The following PTPN6 variants were observed in gnomAD, a reference collection of about 807,000 sequenced individuals.
PTPN6 encodes the protein tyrosine-protein phosphatase non-receptor type 6.
In PTPN6, 18 loss-of-function variants were observed where a neutral mutation model predicts 81.5. The ratio of observed to expected loss-of-function variants is 0.22; its 90% CI spans 0.15 to 0.33. The LOEUF (loss-of-function observed/expected upper bound fraction) is 0.33. Among genes scored for constraint, PTPN6 ranks in the 10% least tolerant of loss-of-function variants. The pLI is 1.00. For synonymous variants in PTPN6, 301 were observed against 310.9 expected, an observed-to-expected ratio of 0.97 and a Z score of 0.33; for missense variants, 500 against 794.2, an observed-to-expected ratio of 0.63 and a Z score of 4.45.
chr12:6,955,541 G>C lies in PTPN6; in HGVS notation c.747+56G>C, dbSNP rs1234373805. 5.0e-6 allele frequency: 8 copies of C among 1,587,598 alleles called. No individual in the cohort carries two copies. In the East Asian group the frequency reaches 1.8e-4, roughly 35 times the overall value. ...AGCTGAGGTGGTGGCAGCGGCCTGGGGCCCCAGGCGGACACCTTCCCCTCC... is the reference window on the plus strand; with the variant it reads ...AGCTGAGGTGGTGGCAGCGGCCTGGCGCCCCAGGCGGACACCTTCCCCTCC... On this transcript the variant is annotated intron_variant, in intron 6 of 15. Transcript: ENST00000318974. The surrounding 1 kb of genome is among the most constrained non-coding windows in gnomAD (Gnocchi z 7.2).
At position 6,960,847 on chromosome 12, in the gene PTPN6, A is replaced by C. The variant is rs978237552; in HGVS notation, c.1715A>C (p.Lys572Thr). The change falls in exon 15 of 16, where the codon AAG becomes ACG. Residue 572 changes from lysine to threonine, a missense_variant. Physicochemically the swap from Lys to Thr is moderately conservative, Grantham distance 78. Transcript: ENST00000318974. This position sits in a 1 kb window ranked among gnomAD's most constrained non-coding sequence, Gnocchi z 6.1. ...DVYENLHTKN[K>T]REEKVKKQRS... The stretch of plus-strand genomic sequence containing the variant: ...TATGAGAACCTGCACACTAAGAACA[A>C]GAGGGAGGAGAAAGTGAAGAAGCAG... 2 of 1,579,678 alleles carry C rather than the reference A, an allele frequency of 1.3e-6. No individual in the cohort carries two copies. The highest frequency in any genetic ancestry group is 2.7e-5 in the African/African-American group (2 of 74,154).
In PTPN6 at chr12:6,958,047, C is replaced by T. The variant is rs375270811; in HGVS notation, c.1335C>T (p.His445=). 125 of 1,612,564 alleles carry T rather than the reference C, an allele frequency of 7.8e-5. No homozygotes were observed. The highest frequency in any genetic ancestry group is 3.3e-4 in the East Asian group (15 of 44,892). The stretch of plus-strand genomic sequence containing the variant: ...ACCAGCGGCAGGAAAGTCTGCCTCA[C>T]GCAGGGCCCATCATCGTGCACTGCA... ...QINQRQESLP[H]AGPIIVHCSA... is the part of the protein sequence containing the mutation. The change falls in exon 11 of 16, where the codon CAC becomes CAT. Residue 445 remains histidine (H), a synonymous_variant. Transcript: ENST00000318974.
Position 6,958,068 on chromosome 12 carries a change from C to T in PTPN6, c.1356C>T (p.His452=). Residue 452 remains histidine, a synonymous_variant, in exon 11 of 16, where the codon CAC becomes CAT. Coordinates refer to ENST00000318974, the MANE Select transcript of PTPN6 (RefSeq NM_002831.6). Reference sequence around the variant, plus strand: ...CTCACGCAGGGCCCATCATCGTGCACTGCAGGTGAGGATGATAATCCTGAT... The same window carrying T: ...CTCACGCAGGGCCCATCATCGTGCATTGCAGGTGAGGATGATAATCCTGAT... ...SLPHAGPIIV[H]CSAGIGRTGT... is the part of the protein sequence containing the mutation. 2 of 1,611,176 alleles carry T rather than the reference C, an allele frequency of 1.2e-6. No individual in the cohort carries two copies. Among genetic ancestry groups the T allele is most frequent in the South Asian group, 1.1e-5 (1 of 91,088 alleles).
chr12:6,960,165 G>A lies in PTPN6; in HGVS notation c.1507G>A (p.Ala503Thr), dbSNP rs1946104804. 10 of 1,613,546 alleles carry A rather than the reference G, an allele frequency of 6.2e-6. No homozygotes were observed. Among genetic ancestry groups the A allele is most frequent in the Non-Finnish European group, 7.6e-6 (9 of 1,179,984 alleles). The change falls in exon 13 of 16, where the codon GCG (alanine) becomes ACG (threonine). Residue 503 changes from alanine to threonine, a missense_variant. Transcript: ENST00000318974. This position sits in a 1 kb window ranked among gnomAD's most constrained non-coding sequence, Gnocchi z 6.1. The part of the protein sequence containing the change: ...AQRSGMVQTE[A>T]QYKFIYVAIA... ...GCGCTCGGGCATGGTGCAGACGGAG[G>A]CGCAGTACAAGTTCATCTACGTGGC...
chr12:6,960,901 G>T lies in PTPN6; in HGVS notation c.1769G>T (p.Gly590Val). Residue 590 changes from glycine to valine, a missense_variant, in exon 15 of 16, where the codon GGT (glycine) becomes GTT (valine). Physicochemically the swap from Gly to Val is moderately radical, Grantham distance 109. Around this residue, in one of 6 missense-constraint regions of PTPN6, gnomAD observed 56 missense variants for 56.4 expected, o/e 0.99. Coordinates refer to ENST00000318974, the MANE Select transcript of PTPN6 (RefSeq NM_002831.6). The surrounding 1 kb of genome is among the most constrained non-coding windows in gnomAD (Gnocchi z 6.1). ...QRSADKEKSK[G>V]SLKRK ...TCAGCAGACAAGGAGAAGAGCAAGG[G>T]TTCCCTCAAGAGGAAGTGAGCGGTG... 6.4e-7 allele frequency: 1 copy of T among 1,572,618 alleles called. No individual in the cohort carries two copies. The highest frequency in any genetic ancestry group is 1.2e-5 in the South Asian group (1 of 85,868).
Position 6,955,550 on chromosome 12 carries a change from C to T in PTPN6, c.747+65C>T, listed in dbSNP as rs781934480. On this transcript the variant is annotated intron_variant, in intron 6 of 15. Coordinates refer to ENST00000318974, the MANE Select transcript of PTPN6 (RefSeq NM_002831.6). The surrounding 1 kb of genome is among the most constrained non-coding windows in gnomAD (Gnocchi z 7.2). ...GGTGGCAGCGGCCTGGGGCCCCAGG[C>T]GGACACCTTCCCCTCCTTGCCCACC... 28 of 1,570,272 alleles carry T rather than the reference C, an allele frequency of 1.8e-5. No homozygotes were observed. Among genetic ancestry groups the T allele is most frequent in the East Asian group, 4.5e-5 (2 of 44,630 alleles).
Position 6,957,160 on chromosome 12 carries a change from C to G in PTPN6, c.1075-494C>G, listed in dbSNP as rs1419328272. On this transcript the variant is annotated intron_variant, in intron 9 of 15. Transcript: ENST00000318974. This position sits in a 1 kb window ranked among gnomAD's most constrained non-coding sequence, Gnocchi z 6.5. ...GCTCATTTTCTGCTAGGAAATGACT[C>G]TCTCCACACTATCTCTGCCTGGCAG... is the stretch of plus-strand genomic sequence containing the variant. Among the ~76,000 whole-genome samples, 5 of 152,228 alleles carry G rather than the reference C, an allele frequency of 3.3e-5. No homozygotes were observed. Among genetic ancestry groups the G allele is most frequent in the Admixed American group, 2.6e-4 (4 of 15,288 alleles).
rs781883787 is a variant in PTPN6 at position 6,957,279 on chromosome 12, C to T, written c.1075-375C>T. Among the ~76,000 whole-genome samples, 2 of 152,228 alleles carry T rather than the reference C, an allele frequency of 1.3e-5. No individual in the cohort carries two copies. Among genetic ancestry groups the T allele is most frequent in the Non-Finnish European group, 2.9e-5 (2 of 68,042 alleles). On this transcript the variant is annotated intron_variant, in intron 9 of 15. Transcript: ENST00000318974. The surrounding 1 kb of genome is among the most constrained non-coding windows in gnomAD (Gnocchi z 6.5). ...GACCTAGAGGGAGAATTACGTCTTT[C>T]CCAGCCACGCTCCTCAGCGCGGTGT...
Position 6,951,858 on chromosome 12 carries a change from C to T in PTPN6, c.132-125C>T, listed in dbSNP as rs782498823. 1 of 1,568,514 alleles carries T rather than the reference C, an allele frequency of 6.4e-7. No homozygotes were observed. Among genetic ancestry groups the T allele is most frequent in the Non-Finnish European group, 8.7e-7 (1 of 1,149,626 alleles). On this transcript the variant is annotated intron_variant, in intron 2 of 15. Transcript: ENST00000318974. The surrounding 1 kb of genome is among the most constrained non-coding windows in gnomAD (Gnocchi z 7.2). ...CGTCTGTTCCCTTGCCCCCAACCCC[C>T]ACACTCCCCATCCCTGTCTGTGCCC...
In PTPN6 at chr12:6,960,076, C is replaced by T. The variant is rs782064198; in HGVS notation, c.1430-12C>T. Reference sequence around the variant, plus strand: ...TATGCCTGGACCTGAGGTTTGACTGCCCCCCACCCAGGCCTGGACTGTGAC... The same window carrying T: ...TATGCCTGGACCTGAGGTTTGACTGTCCCCCACCCAGGCCTGGACTGTGAC... On this transcript the variant is annotated splice_polypyrimidine_tract_variant and intron_variant, in intron 12 of 15. Coordinates refer to ENST00000318974, the MANE Select transcript of PTPN6 (RefSeq NM_002831.6). This position sits in a 1 kb window ranked among gnomAD's most constrained non-coding sequence, Gnocchi z 6.1. 8.1e-6 allele frequency: 13 copies of T among 1,613,336 alleles called. No homozygotes were observed. The highest frequency in any genetic ancestry group is 3.3e-5 in the Admixed American group (2 of 60,006).
At chr12:6,953,198 C>T (rs1341937931) in intron 3 of PTPN6, 1 of 152,294 alleles carries the variant, frequency 6.6e-6, no homozygotes, top group Non-Finnish European at 1.5e-5. Context: ...CGGCCTCCTT[C>T]AAGGCCTTCC....
In PTPN6 at chr12:6,952,321, CCCT is replaced by C; in HGVS notation, c.326+150_326+152del. ...CTGCACCAGCTGGGGCTCTCAATGT[CCCT>C]CCTCCCTGCTGTCCTGGGACCTGGT... On this transcript the variant is annotated intron_variant, in intron 3 of 15. Coordinates refer to ENST00000318974, the MANE Select transcript of PTPN6 (RefSeq NM_002831.6). The surrounding 1 kb of genome is among the most constrained non-coding windows in gnomAD (Gnocchi z 8.1). 1 of 924,070 alleles carries C rather than the reference CCCT, an allele frequency of 1.1e-6. No homozygotes were observed. Among genetic ancestry groups the C allele is most frequent in the Non-Finnish European group, 1.7e-6 (1 of 593,904 alleles). The allele number at this position is 924,070 out of a possible 1,614,324, so 57.2% of individuals were successfully genotyped here. A position where few individuals can be genotyped will look rare whatever the true frequency, so the allele number is the denominator to read the frequency against.
rs781827790 is a variant in PTPN6, at chr12:6,954,755, G to A, written c.327-50G>A. 83 of 1,573,268 alleles carry A rather than the reference G, an allele frequency of 5.3e-5. No individual in the cohort carries two copies. Among genetic ancestry groups the A allele is most frequent in the African/African-American group, 1.2e-4 (9 of 74,140 alleles). ...CTCTCTGTGAATGTCTCTGCTCAGC[G>A]CCTTCCCCTGTGGCCTGGGTCTTAC... On this transcript the variant is annotated intron_variant, in intron 3 of 15. Transcript: ENST00000318974. This position sits in a 1 kb window ranked among gnomAD's most constrained non-coding sequence, Gnocchi z 5.4.
upstream of PTPN6, among the ~76,000 whole-genome samples, chr12:6,947,362 G>C (rs1268652084): frequency 1.3e-5 from 2 of 152,208 alleles, no homozygotes; most frequent in Non-Finnish European, 2.9e-5. Context: ...ATTCTCAGAA[G>C]TATTACGCAG....
In PTPN6 at chr12:6,960,638, A is replaced by G. The variant is rs1555149732; in HGVS notation, c.1674-168A>G. Reference sequence around the variant, plus strand: ...CTAGGTACCAGCAGCGCACTCGTGTATGAGATGTAGCCTCTGTCCTCTAGG... The same window carrying G: ...CTAGGTACCAGCAGCGCACTCGTGTGTGAGATGTAGCCTCTGTCCTCTAGG... On this transcript the variant is annotated intron_variant, in intron 14 of 15. Transcript: ENST00000318974. This position sits in a 1 kb window ranked among gnomAD's most constrained non-coding sequence, Gnocchi z 6.1. The G allele has an allele frequency of 3.9e-6, 6 of 1,534,390 alleles. No individual in the cohort carries two copies. Among genetic ancestry groups the G allele is most frequent in the Middle Eastern group, 1.7e-4 (1 of 5,940 alleles).
Position 6,956,316 on chromosome 12 carries a change from C to G in PTPN6, c.924+95C>G, listed in dbSNP as rs901726193. The G allele has an allele frequency of 3.1e-6, 5 of 1,610,228 alleles. No individual in the cohort carries two copies. The highest frequency in any genetic ancestry group is 2.5e-6 in the Non-Finnish European group (3 of 1,176,544). ...AGATCCAGAGACAGCTGGGCAAAGC[C>G]GAAGCTGGCTTCTTGCATGGGTGAG... On this transcript the variant is annotated intron_variant, in intron 8 of 15. Transcript: ENST00000318974. This position sits in a 1 kb window ranked among gnomAD's most constrained non-coding sequence, Gnocchi z 4.1.
rs368185877 is a variant in PTPN6, at chr12:6,952,772, C to T, written c.326+595C>T. 3.3e-4 allele frequency: 55 copies of T among 164,202 alleles called. 1 individual carries two copies. The South Asian group carries it at 7.6e-3, about 23-fold the overall frequency. The allele number at this position is 164,202 out of a possible 1,614,324, so 10.2% of individuals were successfully genotyped here. On this transcript the variant is annotated intron_variant, in intron 3 of 15. Transcript: ENST00000318974. This position sits in a 1 kb window ranked among gnomAD's most constrained non-coding sequence, Gnocchi z 8.1. Reference sequence around the variant, plus strand: ...GTAAAGTGTCTCACGCTGTCCCGGGCACAGAGTAATACTCCAGGCATTTCC... The same window carrying T: ...GTAAAGTGTCTCACGCTGTCCCGGGTACAGAGTAATACTCCAGGCATTTCC...
Position 6,956,259 on chromosome 12 carries a change from C to T in PTPN6, c.924+38C>T, listed in dbSNP as rs1946028469. On this transcript the variant is annotated intron_variant, in intron 8 of 15. Transcript: ENST00000318974. This position sits in a 1 kb window ranked among gnomAD's most constrained non-coding sequence, Gnocchi z 4.1. ...GGCCACGTGGGAGGAGAGGCTGGGCCCTGGGAATTCCCTGTCTGGTGGGGG... is the reference window on the plus strand; with the variant it reads ...GGCCACGTGGGAGGAGAGGCTGGGCTCTGGGAATTCCCTGTCTGGTGGGGG... The T allele has an allele frequency of 6.2e-7, 1 of 1,611,666 alleles. No homozygotes were observed.
chr12:6,955,712 G>T lies in PTPN6; in HGVS notation c.800G>T (p.Arg267Leu), dbSNP rs781848123. The change falls in exon 7 of 16, where the codon CGG (arginine) becomes CTG (leucine). Residue 267 changes from arginine (R) to leucine (L), a missense_variant. Arg to Leu is a moderately radical substitution (Grantham distance 102). This residue lies in a region of PTPN6 where 96 missense variants were observed against 137.3 expected (regional missense o/e 0.70). Coordinates refer to ENST00000318974, the MANE Select transcript of PTPN6 (RefSeq NM_002831.6). The surrounding 1 kb of genome is among the most constrained non-coding windows in gnomAD (Gnocchi z 7.2). ...KNLHQRLEGQ[R>L]PENKGKNRYK... Reference sequence around the variant, plus strand: ...TTGCACCAGCGTCTGGAAGGGCAGCGGCCAGAGAACAAGGGCAAGAACCGC... The same window carrying T: ...TTGCACCAGCGTCTGGAAGGGCAGCTGCCAGAGAACAAGGGCAAGAACCGC... 5 of 1,613,958 alleles carry T rather than the reference G, an allele frequency of 3.1e-6. No homozygotes were observed. Among genetic ancestry groups the T allele is most frequent in the Non-Finnish European group, 4.2e-6 (5 of 1,179,990 alleles).
Sources: gnomAD v4.1 joint callset for allele counts (sites outside exome capture counted in the v4.1 genomes callset) on GRCh38, gnomAD v4.1.1 for gene constraint, gnomAD v4.1.1 regional missense constraint, Gnocchi (gnomAD v3.1) non-coding constraint, MANE v1.5 for transcripts, NCBI Gene and HGNC (gene_info 2026-07-23, HGNC 2026-07-21) for gene names.